The following TYW1 variants were observed in gnomAD, a reference collection of about 807,000 sequenced individuals.
TYW1 encodes tRNA-yW synthesizing protein 1 homolog, also known as S-adenosyl-L-methionine-dependent tRNA 4-demethylwyosine synthase TYW1.
In TYW1, 46 loss-of-function variants were observed where a neutral mutation model predicts 96.2. The ratio of observed to expected loss-of-function variants is 0.48; its 90% CI spans 0.38 to 0.61. TYW1 has a LOEUF of 0.61. Ranked by LOEUF, TYW1 falls within the 20% of genes least tolerant of loss-of-function variation. The pLI, the probability that TYW1 is intolerant of heterozygous loss-of-function variation, is 0.00. For synonymous variants in TYW1, 274 were observed against 323.0 expected (o/e 0.85, Z 1.63); for missense variants, 684 against 909.6 (o/e 0.75, Z 3.19).
chr7:67,227,112 G>C (rs1028438096), intron 15 of TYW1, among the ~76,000 whole-genome samples: 2 of 152,066 alleles, frequency 1.3e-5, no homozygotes, highest in African/African-American at 4.8e-5. Context: ...AATGCTGATT[G>C]TGCAGATAGA....
At chr7:67,222,861 T>G (rs1242880205) in intron 15 of TYW1, among the ~76,000 whole-genome samples, 2 of 111,190 alleles carry the variant, frequency 1.8e-5, no homozygotes, top group Non-Finnish European at 3.9e-5. Flanking sequence ...CTGTTCGCTT[T>G]TTTTCTTTTT....
At chr7:67,047,467 C>T (rs921606996) in intron 7 of TYW1, among the ~76,000 whole-genome samples, 2 of 152,130 alleles carry the variant, frequency 1.3e-5, no homozygotes, top group Admixed American at 1.3e-4. Context: ...AAGCTAATTA[C>T]ATTTATTATA....
At position 67,009,504 on chromosome 7, in the gene TYW1, T is replaced by C. The variant is rs1482174448; in HGVS notation, c.274-79T>C. On this transcript the variant is annotated intron_variant, in intron 3 of 15. Transcript: ENST00000359626. ...AATATTTTTCATGAGGAATGCCACA[T>C]TCTTGTGCCAACAGGGGTAATGAGG... 18 of 1,272,738 alleles carry C rather than the reference T, an allele frequency of 1.4e-5. No individual in the cohort carries two copies. In the East Asian group the frequency reaches 4.2e-4, roughly 30 times the overall value. The allele number at this position is 1,272,738 out of a possible 1,614,324, so 78.8% of individuals were successfully genotyped here.
chr7:67,005,869 C>G (rs1454908071), intron 3 of TYW1, among the ~76,000 whole-genome samples: 1 of 152,096 alleles, frequency 6.6e-6, no homozygotes, highest in African/African-American at 2.4e-5. Flanking sequence ...ACTCTCTTAC[C>G]CCATCTCCTT....
chr7:67,139,884 A>C (rs532916175), intron 13 of TYW1, among the ~76,000 whole-genome samples: 13 of 152,082 alleles, frequency 8.5e-5, no homozygotes, highest in African/African-American at 3.1e-4. Flanking sequence ...ATGCTCTGTT[A>C]ATGTAAGAGG....
intron 12 of TYW1, among the ~76,000 whole-genome samples, chr7:67,110,574 C>T (rs1797372436): frequency 6.6e-6 from 1 of 152,174 alleles, no homozygotes; most frequent in African/African-American, 2.4e-5. Flanking sequence ...ATTATTTCAG[C>T]AAAAATAAGC....
chr7:67,183,142 A>G lies in TYW1; in HGVS notation c.1715A>G (p.Tyr572Cys), dbSNP rs1292808773. The change falls in exon 14 of 16, where the codon TAC becomes TGC. Residue 572 changes from tyrosine to cysteine, a missense_variant. Tyr to Cys is a radical substitution (Grantham distance 194). Transcript: ENST00000359626. ...ALAVKQQRTVYRLTLVKAWNV... is the reference protein window; with the variant it reads ...ALAVKQQRTVCRLTLVKAWNV... ...TTGTTTTAGCAACAACGAACTGTCT[A>G]CAGACTGACGCTCGTGAAAGCATGG... 3.1e-6 allele frequency: 5 copies of G among 1,612,084 alleles called. No homozygotes were observed. The African/African-American group carries it at 4.0e-5, about 13-fold the overall frequency.
intron 13 of TYW1, among the ~76,000 whole-genome samples, chr7:67,140,374 GA>G (rs200778624): frequency 0.069 from 9,490 of 137,580 alleles, 395 homozygotes; most frequent in Admixed American, 0.14. Context: ...GAATAATTCT[GA>G]AAAAAAAAAA....
intron 13 of TYW1, among the ~76,000 whole-genome samples, chr7:67,169,757 C>A (rs1160591050): frequency 6.6e-6 from 1 of 152,162 alleles, no homozygotes; most frequent in African/African-American, 2.4e-5. Flanking sequence ...ACTATATTTT[C>A]TTTGTCCGTT....
At chr7:67,101,292 T>A (rs1797082021) in intron 12 of TYW1, among the ~76,000 whole-genome samples, 1 of 152,160 alleles carries the variant, frequency 6.6e-6, no homozygotes, top group Non-Finnish European at 1.5e-5. Flanking sequence ...ATCTGTGTTT[T>A]ACTGTCTGCT....
At chr7:67,082,640 C>T (rs541144356) in intron 10 of TYW1, among the ~76,000 whole-genome samples, 2 of 151,760 alleles carry the variant, frequency 1.3e-5, no homozygotes, top group African/African-American at 2.4e-5. Flanking sequence ...TTCTGCCTGT[C>T]GGGAGGTTGA....
chr7:67,140,971 G>A (rs894885194), intron 13 of TYW1, among the ~76,000 whole-genome samples: 3 of 152,124 alleles, frequency 2.0e-5, no homozygotes, highest in African/African-American at 7.2e-5. Context: ...TTTTCTGAGT[G>A]TGACTTATTT....
chr7:67,070,897 T>G (rs139449702), intron 10 of TYW1, among the ~76,000 whole-genome samples: 4 of 152,070 alleles, frequency 2.6e-5, no homozygotes, highest in Middle Eastern at 3.4e-3. Context: ...TTTGGGAGGC[T>G]GAGGTGGGCA....
intron 7 of TYW1, among the ~76,000 whole-genome samples, chr7:67,041,663 A>G (rs1046049664): frequency 6.6e-6 from 1 of 152,168 alleles, no homozygotes; most frequent in African/African-American, 2.4e-5. Context: ...GTGATCATCC[A>G]TGACACACCA....
In TYW1 at chr7:67,220,578, A is replaced by T. The variant is rs184850733; in HGVS notation, c.1978-17730A>T. ...GTATGATATCTATGTTGTTGAATCTAGGCCTAATTGGTAGCCTAACTTACC... is the reference window on the plus strand; with the variant it reads ...GTATGATATCTATGTTGTTGAATCTTGGCCTAATTGGTAGCCTAACTTACC... On this transcript the variant is annotated intron_variant, in intron 15 of 15. Transcript: ENST00000359626. 9.5e-4 allele frequency among the ~76,000 whole-genome samples: 144 copies of T among 152,152 alleles called. 1 individual carries two copies. The highest frequency in any genetic ancestry group is 1.7e-3 in the Non-Finnish European group (118 of 67,996).
In TYW1 at chr7:66,996,841, G is replaced by T; in HGVS notation, c.-138G>T. 1 of 1,508,686 alleles carries T rather than the reference G, an allele frequency of 6.6e-7. No individual in the cohort carries two copies. Among genetic ancestry groups the T allele is most frequent in the Admixed American group, 2.0e-5 (1 of 50,152 alleles). 93.5% of individuals were successfully genotyped at this position (1,508,686 alleles called of 1,614,324 possible). On this transcript the variant is annotated 5_prime_UTR_variant, in exon 1 of 16. Coordinates refer to ENST00000359626, the MANE Select transcript of TYW1 (RefSeq NM_018264.4). The stretch of plus-strand genomic sequence containing the variant: ...AACCAATCAGGACCGGCCTGGCAGT[G>T]TCATGGCTGCCCACAGGTCTGCAGG...
At position 67,009,701 on chromosome 7, in the gene TYW1, T is replaced by C. The variant is rs755095043; in HGVS notation, c.375+17T>C. Reference sequence around the variant, plus strand: ...ATAGAAGAGGTTGGTAATTGTCTTTTTCTTCAGTCAAAACTCTCAAATTTA... The same window carrying C: ...ATAGAAGAGGTTGGTAATTGTCTTTCTCTTCAGTCAAAACTCTCAAATTTA... On this transcript the variant is annotated intron_variant, in intron 4 of 15. Transcript: ENST00000359626. The C allele has an allele frequency of 1.3e-6, 2 of 1,576,892 alleles. No homozygotes were observed. Among genetic ancestry groups the C allele is most frequent in the Admixed American group, 3.9e-5 (2 of 51,716 alleles).
chr7:67,114,932 G>A (rs1797546190), intron 12 of TYW1, among the ~76,000 whole-genome samples: 1 of 151,878 alleles, frequency 6.6e-6, no homozygotes, highest in African/African-American at 2.4e-5. Context: ...ACTTCCTTGA[G>A]TGCAGCATCT....
At chr7:67,069,590 T>G (rs1795970871) in intron 10 of TYW1, among the ~76,000 whole-genome samples, 1 of 151,990 alleles carries the variant, frequency 6.6e-6, no homozygotes. Context: ...CTTGCAAAAA[T>G]TCGCCGGGCA....
Sources: gnomAD v4.1 joint callset for allele counts (sites outside exome capture counted in the v4.1 genomes callset) on GRCh38, gnomAD v4.1.1 for gene constraint, MANE v1.5 for transcripts, NCBI Gene and HGNC (gene_info 2026-07-23, HGNC 2026-07-21) for gene names.